TXLNA: variants seen among roughly 807,000 people sequenced by gnomAD.
The protein encoded by TXLNA is alpha-taxilin.
A neutral mutation model predicts 61.4 loss-of-function variants in TXLNA; 9 were observed. The ratio of observed to expected loss-of-function variants is 0.15; its 90% confidence interval spans 0.09 to 0.26. The LOEUF (loss-of-function observed/expected upper bound fraction) is 0.26. Among genes scored for constraint, TXLNA ranks in the 10% least tolerant of loss-of-function variants. The pLI is 1.00. For synonymous variants in TXLNA, 257 were observed against 267.7 expected, an observed-to-expected ratio of 0.96 and a Z score of 0.39; for missense variants, 565 against 688.8, an observed-to-expected ratio of 0.82 and a Z score of 2.01.
chr1:32,184,532 G>A lies in TXLNA; in HGVS notation c.513G>A (p.Glu171=). The A allele has an allele frequency of 1.1e-5, 18 of 1,612,868 alleles. No homozygotes were observed. The highest frequency in any genetic ancestry group is 1.5e-5 in the Non-Finnish European group (18 of 1,178,866). The change falls in exon 4 of 11, where the codon GAG becomes GAA. Residue 171 remains glutamate, a synonymous_variant. Transcript: ENST00000373610. The part of the protein sequence containing the change: ...EKKKAKGLGK[E]ITLLMQTLNT... Reference sequence around the variant, plus strand: ...TGCTCCTGTGCTTTTCAGGGAAGGAGATCACGTTGCTGATGCAGACATTGA... The same window carrying A: ...TGCTCCTGTGCTTTTCAGGGAAGGAAATCACGTTGCTGATGCAGACATTGA...
chr1:32,180,127 C>G (rs1438633637), intron 1 of TXLNA, 187 bp from the exon 2 acceptor site: 2 of 533,102 alleles, frequency 3.8e-6, no homozygotes, highest in South Asian at 2.7e-5. Context: ...GAGCTGCGCC[C>G]CGAAAGCCTG....
At chr1:32,187,747 C>A (rs1642817622) in intron 4 of TXLNA, among the ~76,000 whole-genome samples, 1 of 152,164 alleles carries the variant, frequency 6.6e-6, no homozygotes, top group African/African-American at 2.4e-5. Flanking sequence ...GTTACCATTT[C>A]TCTGTCCCTA....
Position 32,192,006 on chromosome 1 carries a change from C to T in TXLNA, c.964-305C>T, listed in dbSNP as rs751310106. On this transcript the variant is annotated intron_variant, in intron 6 of 10. Transcript: ENST00000373610. The surrounding 1 kb of genome is among the most constrained non-coding windows in gnomAD (Gnocchi z 4.2). ...TCAGGGACACAGAAGTGAGGGCTTC[C>T]AGCCCCATAGGTGATCAATCCTGGG... is the stretch of plus-strand genomic sequence containing the variant. 2.6e-5 allele frequency among the ~76,000 whole-genome samples: 4 copies of T among 152,260 alleles called. No individual in the cohort carries two copies. Among genetic ancestry groups the T allele is most frequent in the Non-Finnish European group, 5.9e-5 (4 of 68,048 alleles).
intron 3 of TXLNA, among the ~76,000 whole-genome samples, chr1:32,183,248 C>T (rs1190102470): frequency 1.3e-5 from 2 of 150,498 alleles, no homozygotes; most frequent in South Asian, 2.1e-4. Context: ...CTCAGCCTCC[C>T]GAGTAGCTGG....
intron 6 of TXLNA, 148 bp downstream of exon 6, chr1:32,190,397 C>A: frequency 1.2e-6 from 1 of 820,900 alleles, no homozygotes; most frequent in Non-Finnish European, 1.9e-6. Flanking sequence ...TGTTATTCCT[C>A]ATAGATAAAA....
Position 32,187,995 on chromosome 1 carries a change from A to C in TXLNA, c.639A>C (p.Leu213=), listed in dbSNP as rs201472212. 6.8e-5 allele frequency: 110 copies of C among 1,613,750 alleles called. No individual in the cohort carries two copies. Among genetic ancestry groups the C allele is most frequent in the Non-Finnish European group, 8.7e-5 (103 of 1,179,902 alleles). The change falls in exon 5 of 11, where the codon CTA becomes CTC. Residue 213 remains leucine (L), a synonymous_variant. Transcript: ENST00000373610. ...ATTCACAGAAGCAGATGAAGCTCCTACAGAAAAAGCAGAGCCAGCTGGTGC... is the reference window on the plus strand; with the variant it reads ...ATTCACAGAAGCAGATGAAGCTCCTCCAGAAAAAGCAGAGCCAGCTGGTGC... ...HRNSQKQMKL[L]QKKQSQLVQE...
Position 32,181,456 on chromosome 1 carries a change from A to AG in TXLNA, c.385dup (p.Val129GlyfsTer21). The AG allele has an allele frequency of 6.2e-7, 1 of 1,614,104 alleles. No homozygotes were observed. Among genetic ancestry groups the AG allele is most frequent in the Non-Finnish European group, 8.5e-7 (1 of 1,179,996 alleles). ...ATGGGGAGCCTGAACCAACTCCAGT[A>AG]GTCAATGGAGAGAAGGAACCCTCCA... On this transcript the variant is annotated frameshift_variant, in exon 3 of 11. Transcript: ENST00000373610. LOFTEE classifies it high-confidence loss of function.
chr1:32,194,830 T>C, intron 10 of TXLNA, 72 bp from the exon 11 acceptor site: 1 of 1,518,888 alleles, frequency 6.6e-7, no homozygotes, highest in South Asian at 1.3e-5. Flanking sequence ...GTTAAAGTGT[T>C]TGCCGCCAAG....
At chr1:32,183,365 C>A (rs1220502171) in intron 3 of TXLNA, among the ~76,000 whole-genome samples, 1 of 150,788 alleles carries the variant, frequency 6.6e-6, no homozygotes. Flanking sequence ...ACCTCATGAT[C>A]CGCCCACCTG....
chr1:32,194,772 C>A, intron 10 of TXLNA, 130 bp from the exon 11 acceptor site: 1 of 1,117,028 alleles, frequency 9.0e-7, no homozygotes, highest in Non-Finnish European at 1.3e-6. Context: ...TCAACTAGGA[C>A]TGTTTCCTAG....
chr1:32,181,527 G>T lies in TXLNA; in HGVS notation c.455G>T (p.Gly152Val). 6.3e-7 allele frequency: 1 copy of T among 1,587,434 alleles called. No individual in the cohort carries two copies. Among genetic ancestry groups the T allele is most frequent in the South Asian group, 1.1e-5 (1 of 88,160 alleles). The change falls in exon 3 of 11, where the codon GGA (glycine) becomes GTA (valine). Residue 152 changes from glycine (G) to valine (V), a missense_variant. Coordinates refer to ENST00000373610, the MANE Select transcript of TXLNA (RefSeq NM_175852.4). ...GAGATCCGGCAGAGTGACGAGGTCG[G>T]AGACCGAGACCATCGAAGGCCACAG... ...TEEIRQSDEV[G>V]DRDHRRPQEK... is the part of the protein sequence containing the mutation.
At chr1:32,182,863 C>T (rs1243640950) in intron 3 of TXLNA, among the ~76,000 whole-genome samples, 1 of 151,412 alleles carries the variant, frequency 6.6e-6, no homozygotes, top group Non-Finnish European at 1.5e-5. Flanking sequence ...GTCAGGAGTT[C>T]GAGACCAGCC....
intron 2 of TXLNA, among the ~76,000 whole-genome samples, chr1:32,180,958 C>T (rs1642642040): frequency 6.6e-6 from 1 of 152,078 alleles, no homozygotes; most frequent in African/African-American, 2.4e-5. Flanking sequence ...CAAATATGTT[C>T]GGGTGGTAGT....
rs1450537883 is a variant in TXLNA at position 32,184,533 on chromosome 1, A to G, written c.514A>G (p.Ile172Val). The G allele has an allele frequency of 4.3e-6, 7 of 1,612,854 alleles. No individual in the cohort carries two copies. Among genetic ancestry groups the G allele is most frequent in the Non-Finnish European group, 5.9e-6 (7 of 1,179,018 alleles). Residue 172 changes from isoleucine to valine, a missense_variant, in exon 4 of 11, where the codon ATC (isoleucine) becomes GTC (valine). This residue lies in a region of TXLNA where 373 missense variants were observed against 504.0 expected (regional missense o/e 0.74). Transcript: ENST00000373610. ...KKKAKGLGKE[I>V]TLLMQTLNTL... ...GCTCCTGTGCTTTTCAGGGAAGGAG[A>G]TCACGTTGCTGATGCAGACATTGAA... is the stretch of plus-strand genomic sequence containing the variant.
Position 32,195,024 on chromosome 1 carries a change from T to C in TXLNA, c.1470T>C (p.Ala490=), listed in dbSNP as rs1177135841. The C allele has an allele frequency of 1.9e-6, 3 of 1,614,074 alleles. No homozygotes were observed. The highest frequency in any genetic ancestry group is 1.7e-6 in the Non-Finnish European group (2 of 1,180,010). Residue 490 remains alanine (A), a synonymous_variant, in exon 11 of 11, where the codon GCT becomes GCC. Coordinates refer to ENST00000373610, the MANE Select transcript of TXLNA (RefSeq NM_175852.4). ...DLNKRVQDLS[A]GGQGSLTDSG... ...ACAAGAGGGTACAGGACCTGAGTGC[T>C]GGTGGCCAGGGCTCCCTCACTGACA...
intron 6 of TXLNA, among the ~76,000 whole-genome samples, chr1:32,190,644 A>G (rs1404236578): frequency 6.6e-6 from 1 of 152,228 alleles, no homozygotes; most frequent in Non-Finnish European, 1.5e-5. Flanking sequence ...TGGGCTTACA[A>G]TGATGCAGGT....
At chr1:32,191,577 CT>C (rs1325051210) in intron 6 of TXLNA, among the ~76,000 whole-genome samples, 1 of 152,102 alleles carries the variant, frequency 6.6e-6, no homozygotes, top group Admixed American at 6.6e-5. Context: ...CAAAAAAGGA[CT>C]TAGTACTACC....
chr1:32,191,825 C>G (rs1037119910), intron 6 of TXLNA, among the ~76,000 whole-genome samples: 4 of 152,262 alleles, frequency 2.6e-5, no homozygotes, highest in East Asian at 3.8e-4. Context: ...TCACCTGACA[C>G]AGGTCTGCAG....
chr1:32,192,556 C>G lies in TXLNA; in HGVS notation c.1084-101C>G. On this transcript the variant is annotated intron_variant, in intron 7 of 10. Coordinates refer to ENST00000373610, the MANE Select transcript of TXLNA (RefSeq NM_175852.4). This position sits in a 1 kb window ranked among gnomAD's most constrained non-coding sequence, Gnocchi z 4.2. ...AGGCACAGATTCCTTGAGTACCAGT[C>G]TGAGAGCAGGAAGCCTCAGTGGGTC... 5.0e-6 allele frequency: 8 copies of G among 1,591,112 alleles called. No individual in the cohort carries two copies. Among genetic ancestry groups the G allele is most frequent in the Admixed American group, 1.7e-5 (1 of 59,286 alleles).
Sources: gnomAD v4.1 joint callset for allele counts (sites outside exome capture counted in the v4.1 genomes callset) on GRCh38, gnomAD v4.1.1 for gene constraint, gnomAD v4.1.1 regional missense constraint, Gnocchi (gnomAD v3.1) non-coding constraint, MANE v1.5 for transcripts, NCBI Gene and HGNC (gene_info 2026-07-23, HGNC 2026-07-21) for gene names.